Variants in PPP2R5E observed in about 807,000 individuals in gnomAD.
PPP2R5E encodes serine/threonine-protein phosphatase 2A 56 kDa regulatory subunit epsilon isoform.
In PPP2R5E, 4 loss-of-function variants were observed where a neutral mutation model predicts 65.3. The observed-to-expected ratio is 0.06, with a 90% CI of 0.03 to 0.14. PPP2R5E has a LOEUF of 0.14. Ranked by LOEUF, PPP2R5E falls within the 10% of genes least tolerant of loss-of-function variation. The pLI, the probability that PPP2R5E is intolerant of heterozygous loss-of-function variation, is 1.00. For missense variants in PPP2R5E, 274 were observed against 556.1 expected, an observed-to-expected ratio of 0.49 and a Z score of 5.10; for synonymous variants, 183 against 187.4, an observed-to-expected ratio of 0.98 and a Z score of 0.19.
At position 63,469,671 on chromosome 14, in the gene PPP2R5E, G is replaced by C. The variant is rs1029618892; in HGVS notation, c.158-15786C>G. On this transcript the variant is annotated intron_variant, in intron 2 of 13. Transcript: ENST00000337537. Reference sequence around the variant, plus strand: ...ATCGTGCCACTGCACTCCAGCCTGGGCGACAGAGCAAGACTCCGTTTCAAA... The same window carrying C: ...ATCGTGCCACTGCACTCCAGCCTGGCCGACAGAGCAAGACTCCGTTTCAAA... Among the ~76,000 whole-genome samples the C allele has an allele frequency of 1.3e-5, 2 of 152,208 alleles. 1 individual carries two copies. The highest frequency in any genetic ancestry group is 4.8e-5 in the African/African-American group (2 of 41,446).
chr14:63,421,863 AT>A, intron 4 of PPP2R5E, 129 bp downstream of exon 4: 2 of 682,296 alleles, frequency 2.9e-6, no homozygotes, highest in Non-Finnish European at 5.0e-6. Context: ...CATAAAAAAC[AT>A]TCTCTAACTT....
intron 2 of PPP2R5E, chr14:63,508,118 TAC>T: frequency 3.1e-6 from 3 of 977,516 alleles, no homozygotes; most frequent in Non-Finnish European, 3.6e-6. Flanking sequence ...CACACACTTC[TAC>T]ACACACGAGT....
rs1163535114 is a variant in PPP2R5E at position 63,432,390 on chromosome 14, A to G, written c.355-10296T>C. On this transcript the variant is annotated intron_variant, in intron 3 of 13. Transcript: ENST00000337537. ...CTTCTACAAATAATTTGGTCCCCTT[A>G]GACACGGAGTCTCTAGAAGATCGGA... Among the ~76,000 whole-genome samples, 4 of 152,208 alleles carry G rather than the reference A, an allele frequency of 2.6e-5. No individual in the cohort carries two copies. The South Asian group carries it at 8.3e-4, about 32-fold the overall frequency.
chr14:63,413,942 G>A (rs1403901638), intron 5 of PPP2R5E, among the ~76,000 whole-genome samples: 1 of 152,184 alleles, frequency 6.6e-6, no homozygotes, highest in Non-Finnish European at 1.5e-5. Flanking sequence ...GGAATAGGGT[G>A]TACAGGTACT....
chr14:63,386,923 CA>C (rs34820715), intron 11 of PPP2R5E, among the ~76,000 whole-genome samples: 311 of 122,482 alleles, frequency 2.5e-3, no homozygotes, highest in South Asian at 5.5e-3. Context: ...GACTCCATCT[CA>C]AAAAAAAAAA....
At chr14:63,513,203 C>T (rs1180053862) in intron 2 of PPP2R5E, among the ~76,000 whole-genome samples, 1 of 152,124 alleles carries the variant, frequency 6.6e-6, no homozygotes, top group Non-Finnish European at 1.5e-5. Context: ...AAGATGGATA[C>T]TGATTATCTC....
chr14:63,415,624 A>AT (rs1247248782), intron 4 of PPP2R5E, among the ~76,000 whole-genome samples: 5 of 152,180 alleles, frequency 3.3e-5, no homozygotes, highest in Non-Finnish European at 5.9e-5. Context: ...CCATATAAAT[A>AT]TATTTTTACA....
intron 2 of PPP2R5E, among the ~76,000 whole-genome samples, chr14:63,519,084 C>T (rs546558875): frequency 1.6e-4 from 24 of 152,154 alleles, no homozygotes; most frequent in African/African-American, 5.3e-4. Context: ...CGTGGTGGCA[C>T]ATGCCTGTAG....
intron 5 of PPP2R5E, among the ~76,000 whole-genome samples, chr14:63,408,020 A>G (rs1886186444): frequency 6.6e-6 from 1 of 152,224 alleles, no homozygotes; most frequent in Non-Finnish European, 1.5e-5. Flanking sequence ...ACTAAGACAA[A>G]AATACTAACA....
Position 63,465,808 on chromosome 14 carries a change from C to T in PPP2R5E, c.158-11923G>A, listed in dbSNP as rs772734810. Among the ~76,000 whole-genome samples, 4 of 152,148 alleles carry T rather than the reference C, an allele frequency of 2.6e-5. No homozygotes were observed. The South Asian group carries it at 6.2e-4, about 24-fold the overall frequency. On this transcript the variant is annotated intron_variant, in intron 2 of 13. Coordinates refer to ENST00000337537, the MANE Select transcript of PPP2R5E (RefSeq NM_006246.5). ...ATCCTAATTTGATAAAAAGGAATTA[C>T]GGAACAAATTTCCAGGATGTGCCTG...
At chr14:63,386,823 C>G (rs1286406980) in intron 11 of PPP2R5E, among the ~76,000 whole-genome samples, 2 of 151,578 alleles carry the variant, frequency 1.3e-5, no homozygotes, top group African/African-American at 4.9e-5. Flanking sequence ...ACTCGGGAGG[C>G]TGAGGCACAA....
chr14:63,486,038 C>T (rs961500639), intron 2 of PPP2R5E, among the ~76,000 whole-genome samples: 3 of 151,820 alleles, frequency 2.0e-5, no homozygotes, highest in Non-Finnish European at 2.9e-5. Flanking sequence ...CCATGTTGGC[C>T]AGGCTGGTCC....
In PPP2R5E at chr14:63,391,834, T is replaced by C; in HGVS notation, c.937A>G (p.Thr313Ala). ...GCACTTACCTCTTTTTGACTACATGTTTTAGGCCAAAATTTCATTAACCCC... is the reference window on the plus strand; with the variant it reads ...GCACTTACCTCTTTTTGACTACATGCTTTAGGCCAAAATTTCATTAACCCC... ...IRGLMKFWPKTCSQKEVMFLG... is the reference protein window; with the variant it reads ...IRGLMKFWPKACSQKEVMFLG... Residue 313 changes from threonine (T) to alanine (A), a missense_variant, in exon 10 of 14, where the codon ACA becomes GCA. Thr to Ala is a moderately conservative substitution (Grantham distance 58). Around this residue, in one of 6 missense-constraint regions of PPP2R5E, gnomAD observed 129 missense variants for 254.9 expected, o/e 0.51. Coordinates refer to ENST00000337537, the MANE Select transcript of PPP2R5E (RefSeq NM_006246.5). 1 of 1,613,476 alleles carries C rather than the reference T, an allele frequency of 6.2e-7. No individual in the cohort carries two copies. Among genetic ancestry groups the C allele is most frequent in the Non-Finnish European group, 8.5e-7 (1 of 1,179,414 alleles).
chr14:63,448,757 T>A, intron 3 of PPP2R5E, among the ~76,000 whole-genome samples: 1 of 133,894 alleles, frequency 7.5e-6, no homozygotes, highest in East Asian at 2.3e-4. Flanking sequence ...GCCATTGCAC[T>A]CCAGCCTGGG....
intron 2 of PPP2R5E, among the ~76,000 whole-genome samples, chr14:63,528,159 A>T (rs558200911): frequency 6.6e-6 from 1 of 152,338 alleles, no homozygotes; most frequent in Non-Finnish European, 1.5e-5. Context: ...GAACTACTTT[A>T]GCCTATTCGA....
At chr14:63,382,957 G>A (rs1225073152) in intron 12 of PPP2R5E, among the ~76,000 whole-genome samples, 1 of 152,034 alleles carries the variant, frequency 6.6e-6, no homozygotes, top group East Asian at 1.9e-4. Context: ...CTTATCCAAA[G>A]AAATGAAATC....
At chr14:63,474,110 G>C (rs1309228649) in intron 2 of PPP2R5E, among the ~76,000 whole-genome samples, 1 of 152,198 alleles carries the variant, frequency 6.6e-6, no homozygotes. Context: ...CTACATAGGA[G>C]GCAACTGTTA....
intron 2 of PPP2R5E, among the ~76,000 whole-genome samples, chr14:63,458,079 T>C (rs1202837043): frequency 5.3e-5 from 8 of 152,208 alleles, no homozygotes; most frequent in Non-Finnish European, 1.2e-4. Context: ...TCATTACATC[T>C]GAATATTTTT....
At chr14:63,527,552 G>T (rs1294658756) in intron 2 of PPP2R5E, among the ~76,000 whole-genome samples, 1 of 152,194 alleles carries the variant, frequency 6.6e-6, no homozygotes, top group East Asian at 1.9e-4. Flanking sequence ...TAGGCTAAAT[G>T]TTTTACCTGC....
Sources: gnomAD v4.1 joint callset for allele counts (sites outside exome capture counted in the v4.1 genomes callset) on GRCh38, gnomAD v4.1.1 for gene constraint, gnomAD v4.1.1 regional missense constraint, MANE v1.5 for transcripts, NCBI Gene and HGNC (gene_info 2026-07-23, HGNC 2026-07-21) for gene names.